The following GRIK1 variants were observed in gnomAD, a reference collection of about 807,000 sequenced individuals.
GRIK1 encodes glutamate ionotropic receptor kainate type subunit 1.
A neutral mutation model predicts 105.7 loss-of-function variants in GRIK1; 69 were observed. The observed-to-expected ratio is 0.65, with a 90% CI of 0.54 to 0.80. The LOEUF is 0.80. GRIK1 is among the 30% of genes least tolerant of loss of function. The probability of loss-of-function intolerance (pLI) is 0.00; values close to 1 mark genes in which losing one functional copy is unlikely to be tolerated. For synonymous variants in GRIK1, 438 were observed against 431.3 expected, an observed-to-expected ratio of 1.02 and a Z score of -0.19; for missense variants, 1,109 against 1,167.3, an observed-to-expected ratio of 0.95 and a Z score of 0.73.
Position 29,591,221 on chromosome 21 carries a change from C to T in GRIK1, c.1256G>A (p.Gly419Glu), listed in dbSNP as rs1468767016. ...KHLYKVWKKIGIWNSNSGLNM... is the reference protein window; with the variant it reads ...KHLYKVWKKIEIWNSNSGLNM... ...AAGCCCACTGTTGGAATTCCAAATC[C>T]CAATCTACACAGAACACAGTACATC... The change falls in exon 10 of 18, where the codon GGG becomes GAG. Residue 419 changes from glycine (G) to glutamate (E), a missense_variant. This residue lies in a region of GRIK1 where 612 missense variants were observed against 586.0 expected (regional missense o/e 1.04). Coordinates refer to ENST00000327783, the MANE Select transcript of GRIK1 (RefSeq NM_001330994.2). The T allele has an allele frequency of 1.3e-6, 2 of 1,564,366 alleles. No individual in the cohort carries two copies. The highest frequency in any genetic ancestry group is 1.8e-6 in the Non-Finnish European group (2 of 1,136,282).
intron 1 of GRIK1, among the ~76,000 whole-genome samples, chr21:29,805,255 A>G (rs1238073838): frequency 6.6e-6 from 1 of 152,112 alleles, no homozygotes; most frequent in African/African-American, 2.4e-5. Context: ...AAATCATGTG[A>G]TATGTGGTTA....
intron 14 of GRIK1, among the ~76,000 whole-genome samples, chr21:29,576,460 T>A (rs1272329548): frequency 6.6e-6 from 1 of 152,150 alleles, no homozygotes; most frequent in Non-Finnish European, 1.5e-5. Context: ...TCTCCTGGGA[T>A]TTTTTTGTTC....
chr21:29,569,869 A>G (rs1601143250), intron 14 of GRIK1, among the ~76,000 whole-genome samples: 1 of 152,202 alleles, frequency 6.6e-6, no homozygotes, highest in African/African-American at 2.4e-5. Flanking sequence ...TTAGCATACT[A>G]TTTCTGAAAG....
chr21:29,863,526 A>C (rs917852834), intron 1 of GRIK1, among the ~76,000 whole-genome samples: 1 of 152,178 alleles, frequency 6.6e-6, no homozygotes. Flanking sequence ...GCATTTAGAC[A>C]CTTTAAAAAA....
intron 1 of GRIK1, among the ~76,000 whole-genome samples, chr21:29,923,625 C>T (rs1402482955): frequency 1.3e-5 from 2 of 152,172 alleles, no homozygotes; most frequent in Admixed American, 6.5e-5. Flanking sequence ...AAACCTTAAA[C>T]CAAACACGCC....
chr21:29,693,460 A>G (rs544394908), intron 2 of GRIK1, among the ~76,000 whole-genome samples: 36 of 152,252 alleles, frequency 2.4e-4, no homozygotes, highest in Non-Finnish European at 3.2e-4. Context: ...AGAGGATGCT[A>G]GGTAAACTCA....
At chr21:29,800,282 G>C (rs1448742830) in intron 1 of GRIK1, among the ~76,000 whole-genome samples, 1 of 152,066 alleles carries the variant, frequency 6.6e-6, no homozygotes, top group Non-Finnish European at 1.5e-5. Flanking sequence ...TATGTGTCAG[G>C]GCTTATCTCT....
At position 29,827,975 on chromosome 21, in the gene GRIK1, A is replaced by ATCTCTCTCTC. The variant is rs71335097; in HGVS notation, c.118+111398_118+111407dup. ...CATGTCTTTCTATAATATAGTTAGG[A>ATCTCTCTCTC]TCTCTCTCTCTCTCTCTCTCTCTCT... On this transcript the variant is annotated intron_variant, in intron 1 of 17. Coordinates refer to ENST00000327783, the MANE Select transcript of GRIK1 (RefSeq NM_001330994.2). 5.2e-3 allele frequency among the ~76,000 whole-genome samples: 586 copies of ATCTCTCTCTC among 113,570 alleles called. 2 individuals are homozygous for ATCTCTCTCTC. Among genetic ancestry groups the ATCTCTCTCTC allele is most frequent in the Non-Finnish European group, 8.8e-3 (466 of 52,906 alleles). The allele number at this position is 113,570 out of a possible 152,430, so 74.5% of individuals were successfully genotyped here. A position where few individuals can be genotyped will look rare whatever the true frequency, so the allele number is the denominator to read the frequency against.
At chr21:29,730,754 G>C (rs1569024617) in intron 1 of GRIK1, among the ~76,000 whole-genome samples, 1 of 151,838 alleles carries the variant, frequency 6.6e-6, no homozygotes, top group Admixed American at 6.6e-5. Flanking sequence ...ATTCTTTTGT[G>C]ATTTCATTTA....
intron 14 of GRIK1, among the ~76,000 whole-genome samples, chr21:29,568,414 G>T (rs1196493403): frequency 6.6e-5 from 10 of 152,198 alleles, no homozygotes; most frequent in Admixed American, 6.5e-4. Context: ...TCTCTGAAAT[G>T]TCTTTTGGGT....
At chr21:29,914,305 A>G (rs1339788648) in intron 1 of GRIK1, among the ~76,000 whole-genome samples, 1 of 152,040 alleles carries the variant, frequency 6.6e-6, no homozygotes. Flanking sequence ...GAATTATTCT[A>G]GGGAACACTA....
chr21:29,722,865 T>G (rs368532257), intron 1 of GRIK1, among the ~76,000 whole-genome samples: 145 of 152,336 alleles, frequency 9.5e-4, no homozygotes, highest in South Asian at 5.8e-3. Context: ...AAAATCAAGA[T>G]TCTATGTCTT....
intron 7 of GRIK1, among the ~76,000 whole-genome samples, chr21:29,637,732 G>A (rs1182877113): frequency 1.3e-5 from 2 of 152,212 alleles, no homozygotes; most frequent in Non-Finnish European, 2.9e-5. Flanking sequence ...GTAAGTTTCT[G>A]CTGTTATTTG....
intron 10 of GRIK1, among the ~76,000 whole-genome samples, chr21:29,589,369 T>C (rs1176391993): frequency 1.3e-5 from 2 of 151,450 alleles, no homozygotes; most frequent in African/African-American, 2.4e-5. Context: ...GGGGCCCACA[T>C]GCCTGGCCAC....
At chr21:29,822,890 G>T (rs2145930814) in intron 1 of GRIK1, among the ~76,000 whole-genome samples, 1 of 152,098 alleles carries the variant, frequency 6.6e-6, no homozygotes, top group Middle Eastern at 3.4e-3. Flanking sequence ...CTTTCCTGAT[G>T]CAATGACCAG....
chr21:29,671,106 C>T (rs1196877499), intron 4 of GRIK1, among the ~76,000 whole-genome samples: 1 of 151,878 alleles, frequency 6.6e-6, no homozygotes, highest in Non-Finnish European at 1.5e-5. Flanking sequence ...ACTTTGTGTT[C>T]CCAACTTTAT....
intron 1 of GRIK1, among the ~76,000 whole-genome samples, chr21:29,788,635 A>G (rs768953936): frequency 6.6e-5 from 10 of 152,196 alleles, no homozygotes; most frequent in Non-Finnish European, 1.5e-4. Flanking sequence ...TATTTCTATT[A>G]TTATTACGTT....
chr21:29,833,746 C>T (rs551923200), intron 1 of GRIK1, among the ~76,000 whole-genome samples: 3 of 152,198 alleles, frequency 2.0e-5, no homozygotes, highest in African/African-American at 7.2e-5. Context: ...CAAACCATAT[C>T]ACCCCCTACC....
chr21:29,938,033 T>G (rs987553732), intron 1 of GRIK1, among the ~76,000 whole-genome samples: 12 of 152,342 alleles, frequency 7.9e-5, no homozygotes, highest in African/African-American at 2.9e-4. Context: ...GTATTTGATA[T>G]CTGCAGCTCA....
Sources: allele counts gnomAD v4.1 joint callset (sites outside exome capture counted in the v4.1 genomes callset), GRCh38; gene constraint gnomAD v4.1.1; regional missense constraint gnomAD v4.1.1; transcripts MANE v1.5; gene names NCBI Gene and HGNC (gene_info 2026-07-23, HGNC 2026-07-21).